Variants in CXCL13 observed in about 807,000 individuals in gnomAD.
CXCL13 encodes the protein C-X-C motif chemokine ligand 13.
Under a neutral mutation model 12.2 loss-of-function variants are expected in CXCL13, and 7 were observed. The observed-to-expected ratio is 0.57, with a 90% CI of 0.33 to 1.07. The LOEUF (loss-of-function observed/expected upper bound fraction) is 1.07, where lower values mean the gene tolerates loss of function less well. Among genes scored for constraint, CXCL13 ranks in the 50% least tolerant of loss-of-function variants. The pLI, the probability that CXCL13 is intolerant of heterozygous loss-of-function variation, is 0.04. For missense variants in CXCL13, 113 were observed against 127.4 expected (o/e 0.89, Z 0.55); for synonymous variants, 47 against 42.4 (o/e 1.11, Z -0.42).
chr4:77,580,826 C>T (rs1245700617), intron 1 of CXCL13, among the ~76,000 whole-genome samples: 2 of 143,002 alleles, frequency 1.4e-5, no homozygotes, highest in Non-Finnish European at 3.0e-5. Flanking sequence ...CCTCTCTTCT[C>T]CTCCCCTCCT....
chr4:77,573,390 G>A (rs1184153816), intron 1 of CXCL13, among the ~76,000 whole-genome samples: 1 of 150,572 alleles, frequency 6.6e-6, no homozygotes, highest in East Asian at 1.9e-4. Flanking sequence ...GTGTGTGTGT[G>A]TGTGTGTGTG....
At chr4:77,530,300 T>C (rs1426038097) in intron 1 of CXCL13, among the ~76,000 whole-genome samples, 1 of 152,248 alleles carries the variant, frequency 6.6e-6, no homozygotes, top group Non-Finnish European at 1.5e-5. Flanking sequence ...TAAAATGAGT[T>C]AAGGAGGATT....
intron 1 of CXCL13, among the ~76,000 whole-genome samples, chr4:77,549,764 G>A (rs1380683865): frequency 6.6e-6 from 1 of 152,210 alleles, no homozygotes; most frequent in Admixed American, 6.5e-5. Flanking sequence ...TCCCTACTGG[G>A]AGATGTCTCC....
chr4:77,606,579 C>G (rs953201577), intron 1 of CXCL13, among the ~76,000 whole-genome samples: 1 of 152,200 alleles, frequency 6.6e-6, no homozygotes, highest in African/African-American at 2.4e-5. Flanking sequence ...CACAGAGGAG[C>G]TTTGTCCCCC....
intron 1 of CXCL13, among the ~76,000 whole-genome samples, chr4:77,549,165 G>A (rs2903245): frequency 0.011 from 1,614 of 152,212 alleles, 25 homozygotes; most frequent in African/African-American, 0.036. Flanking sequence ...CGTAGTTCTC[G>A]TGCCACGGTT....
At chr4:77,534,524 T>C (rs996588179) in intron 1 of CXCL13, among the ~76,000 whole-genome samples, 6 of 152,234 alleles carry the variant, frequency 3.9e-5, no homozygotes, top group African/African-American at 1.4e-4. Flanking sequence ...TTATGTGTCA[T>C]TGGGAGAAAC....
intron 1 of CXCL13, among the ~76,000 whole-genome samples, chr4:77,562,559 A>C (rs1000352513): frequency 1.3e-5 from 2 of 152,044 alleles, no homozygotes; most frequent in African/African-American, 4.8e-5. Flanking sequence ...TTTTATTTCT[A>C]GCTAAGGGAT....
upstream of CXCL13, among the ~76,000 whole-genome samples, chr4:77,603,310 C>A (rs1726932307): frequency 7.2e-5 from 11 of 152,104 alleles, no homozygotes; most frequent in Admixed American, 7.2e-4. Context: ...TATTGCCTAC[C>A]AACTCAATAT....
At chr4:77,526,535 C>G (rs1178696485) in intron 1 of CXCL13, among the ~76,000 whole-genome samples, 1 of 151,916 alleles carries the variant, frequency 6.6e-6, no homozygotes, top group Non-Finnish European at 1.5e-5. Flanking sequence ...ATGGTAATTT[C>G]AAATCTACAT....
chr4:77,543,153 G>A (rs531862929), intron 1 of CXCL13, among the ~76,000 whole-genome samples: 1 of 152,020 alleles, frequency 6.6e-6, no homozygotes, highest in Non-Finnish European at 1.5e-5. Flanking sequence ...TATGCATAGA[G>A]GTGTTCATAA....
In CXCL13 at chr4:77,530,881, G is replaced by T. The variant is rs1230427597; in HGVS notation, c.-43+19093G>T. Reference sequence around the variant, plus strand: ...ATTGTGATGTTAGGGTGTCAATTTTGGATCTTTCCTGCTTTCTCTTGTGGG... The same window carrying T: ...ATTGTGATGTTAGGGTGTCAATTTTTGATCTTTCCTGCTTTCTCTTGTGGG... On this transcript the variant is annotated intron_variant, in intron 1 of 4. Coordinates refer to the CXCL13 transcript ENST00000286758. Among the ~76,000 whole-genome samples the T allele has an allele frequency of 2.6e-5, 4 of 151,508 alleles. No homozygotes were observed. The East Asian group carries it at 5.8e-4, about 22-fold the overall frequency.
chr4:77,599,167 G>A (rs1175450927), intron 1 of CXCL13, among the ~76,000 whole-genome samples: 2 of 151,586 alleles, frequency 1.3e-5, no homozygotes, highest in African/African-American at 2.4e-5. Context: ...AGAGCTAGAG[G>A]AAAAAAAACA....
chr4:77,521,001 G>A (rs1001175826), intron 1 of CXCL13, among the ~76,000 whole-genome samples: 1 of 152,068 alleles, frequency 6.6e-6, no homozygotes, highest in Non-Finnish European at 1.5e-5. Context: ...CTGGTTCTGT[G>A]TATGTGATGG....
At chr4:77,603,635 T>C (rs149559943), upstream of CXCL13, among the ~76,000 whole-genome samples, 40 of 152,294 alleles carry the variant, frequency 2.6e-4, no homozygotes, top group African/African-American at 8.4e-4. Context: ...GTATTTACTT[T>C]TGAAGTGGGT....
At chr4:77,570,635 G>A (rs1285781643) in intron 1 of CXCL13, among the ~76,000 whole-genome samples, 9 of 152,190 alleles carry the variant, frequency 5.9e-5, no homozygotes, top group South Asian at 2.1e-4. Context: ...GGCCAGAGCC[G>A]GCTCCCTCAG....
chr4:77,610,781 G>T, intron 3 of CXCL13, 87 bp downstream of exon 3: 1 of 1,029,274 alleles, frequency 9.7e-7, no homozygotes, highest in South Asian at 1.3e-5. Flanking sequence ...GGACTAGCTT[G>T]AATTTATGAG....
chr4:77,588,235 G>A (rs1452694715), intron 1 of CXCL13, among the ~76,000 whole-genome samples: 1 of 152,210 alleles, frequency 6.6e-6, no homozygotes, highest in Non-Finnish European at 1.5e-5. Flanking sequence ...CTTAGAAAAA[G>A]TTCTAGTGAA....
intron 1 of CXCL13, among the ~76,000 whole-genome samples, chr4:77,546,614 G>A (rs1013190079): frequency 1.3e-5 from 2 of 151,936 alleles, no homozygotes; most frequent in East Asian, 1.9e-4. Context: ...CATTTTTATT[G>A]CATCTATTTG....
At chr4:77,527,408 G>A (rs1294033816) in intron 1 of CXCL13, among the ~76,000 whole-genome samples, 1 of 152,152 alleles carries the variant, frequency 6.6e-6, no homozygotes, top group African/African-American at 2.4e-5. Flanking sequence ...GAGGCGGGTG[G>A]ATTAATTGAG....
Sources: allele counts gnomAD v4.1 joint callset (sites outside exome capture counted in the v4.1 genomes callset), GRCh38; gene constraint gnomAD v4.1.1; transcripts MANE v1.5; gene names NCBI Gene and HGNC (gene_info 2026-07-23, HGNC 2026-07-21).